Variants in PAGE2B observed in about 807,000 individuals in gnomAD.
The protein encoded by PAGE2B is PAGE family member 2B.
In PAGE2B, 5 loss-of-function variants were observed where a neutral mutation model predicts 7.6. The observed-to-expected ratio is 0.66, with a 90% CI of 0.34 to 1.38. The LOEUF is 1.38. PAGE2B is among the 40% of genes most tolerant of loss of function. The pLI, the probability that PAGE2B is intolerant of heterozygous loss-of-function variation, is 0.04. For synonymous variants in PAGE2B, 29 were observed against 26.7 expected (o/e 1.09, Z -0.27); for missense variants, 70 against 78.4 (o/e 0.89, Z 0.41).
the PAGE2B span, chrX:55,055,027 G>A: frequency 3.6e-5 from 4 of 111,229 alleles, no homozygotes; most frequent in Non-Finnish European, 5.7e-5. Flanking sequence ...GGGTTCTGTC[G>A]ATAATAGCAA....
In PAGE2B at chrX:55,077,398, G is replaced by C. The variant is rs773089488; in HGVS notation, c.194-1G>C. 5.0e-6 allele frequency: 6 copies of C among 1,209,509 alleles called. No homozygotes were observed. In the South Asian group the frequency reaches 1.1e-4, roughly 21 times the overall value. On this transcript the variant is annotated splice_acceptor_variant, in intron 3 of 4. Coordinates refer to ENST00000374971, the MANE Select transcript of PAGE2B (RefSeq NM_001015038.3). LOFTEE classifies it high-confidence loss of function. ...AACTGATGACCTTTTTATCTTTTAA[G>C]GGCCTGACATGGAAGCTTTTCAACA... is the stretch of plus-strand genomic sequence containing the variant.
At chrX:55,056,668 C>T in the PAGE2B span, among the ~76,000 whole-genome samples, 1 of 110,401 alleles carries the variant, frequency 9.1e-6, no homozygotes, top group East Asian at 2.9e-4. Flanking sequence ...GCAAGAAAGC[C>T]TCCCTTCAGA....
chrX:55,053,327 A>G, the PAGE2B span, among the ~76,000 whole-genome samples: 1 of 111,796 alleles, frequency 8.9e-6, no homozygotes, highest in Non-Finnish European at 1.9e-5. Flanking sequence ...CAATGAGAAC[A>G]CATGGACACA....
the PAGE2B span, among the ~76,000 whole-genome samples, chrX:55,029,369 T>A: frequency 1.3e-4 from 14 of 111,921 alleles, no homozygotes. Flanking sequence ...GGCCGTGTTC[T>A]CATGTCAACC....
At chrX:55,034,075 G>A in the PAGE2B span, among the ~76,000 whole-genome samples, 1 of 111,942 alleles carries the variant, frequency 8.9e-6, no homozygotes, top group East Asian at 2.8e-4. Context: ...CACTTGTGAT[G>A]AGTGGGGATT....
the PAGE2B span, among the ~76,000 whole-genome samples, chrX:55,067,570 G>A: frequency 2.1e-4 from 23 of 111,722 alleles, no homozygotes; most frequent in South Asian, 8.7e-3. Flanking sequence ...TATATACCCA[G>A]TAATGAGATT....
chrX:55,034,613 G>A, the PAGE2B span, among the ~76,000 whole-genome samples: 1 of 108,639 alleles, frequency 9.2e-6, no homozygotes, highest in Non-Finnish European at 1.9e-5. Context: ...TCAATGTCAG[G>A]CTCATACTCT....
At position 55,076,051 on chromosome X, in the gene PAGE2B, C is replaced by T. The variant is rs1936508160; in HGVS notation, c.10C>T (p.His4Tyr). Residue 4 changes from histidine to tyrosine, a missense_variant, in exon 2 of 5, where the codon CAT becomes TAT. His to Tyr is a moderately conservative substitution (Grantham distance 83). Transcript: ENST00000374971. The part of the protein sequence containing the change: MSE[H>Y]VRTRSQSSER... Reference sequence around the variant, plus strand: ...ATTTTCAGTGGGAAATATGAGTGAGCATGTGAGAACAAGATCCCAATCCTC... The same window carrying T: ...ATTTTCAGTGGGAAATATGAGTGAGTATGTGAGAACAAGATCCCAATCCTC... The T allele has an allele frequency of 1.7e-6, 2 of 1,207,477 alleles. No homozygotes were observed. The highest frequency in any genetic ancestry group is 3.5e-5 in the African/African-American group (2 of 57,687).
the PAGE2B span, among the ~76,000 whole-genome samples, chrX:55,037,642 G>A: frequency 9.0e-6 from 1 of 110,582 alleles, no homozygotes; most frequent in African/African-American, 3.3e-5. Context: ...GCAAAGACTT[G>A]GAACCAACCC....
the PAGE2B span, among the ~76,000 whole-genome samples, chrX:55,036,657 A>G: frequency 9.0e-6 from 1 of 110,867 alleles, no homozygotes; most frequent in African/African-American, 3.3e-5. Flanking sequence ...ACTATACTAC[A>G]AGGCTACAGT....
chrX:55,070,528 T>C (rs1367870595), upstream of PAGE2B, among the ~76,000 whole-genome samples: 1 of 111,237 alleles, frequency 9.0e-6, no homozygotes, highest in African/African-American at 3.3e-5. Context: ...GGGTGGAGAG[T>C]TCTGTAGATG....
the PAGE2B span, among the ~76,000 whole-genome samples, chrX:55,060,453 C>T: frequency 3.6e-5 from 4 of 111,321 alleles, no homozygotes; most frequent in African/African-American, 1.3e-4. Flanking sequence ...GTCCTTTGCC[C>T]ATTTTTAAAT....
At chrX:55,072,232 C>A (rs1453660594), upstream of PAGE2B, among the ~76,000 whole-genome samples, 1 of 112,310 alleles carries the variant, frequency 8.9e-6, no homozygotes, top group Non-Finnish European at 1.9e-5. Context: ...ATCTTAGAGG[C>A]TGATGATCTT....
At chrX:55,048,761 C>T in the PAGE2B span, among the ~76,000 whole-genome samples, 1 of 111,520 alleles carries the variant, frequency 9.0e-6, no homozygotes, top group Non-Finnish European at 1.9e-5. Context: ...ACAAGGACAA[C>T]TTGACTTCCT....
At chrX:55,070,881 G>T (rs1042031693), upstream of PAGE2B, among the ~76,000 whole-genome samples, 3 of 111,193 alleles carry the variant, frequency 2.7e-5, no homozygotes, top group African/African-American at 9.8e-5. Context: ...CTCTCCATTT[G>T]CTTGGTAAAT....
chrX:55,072,944 C>T (rs952726261), upstream of PAGE2B, among the ~76,000 whole-genome samples: 7 of 111,555 alleles, frequency 6.3e-5, no homozygotes, highest in African/African-American at 2.3e-4. Flanking sequence ...CCCAGGTAGA[C>T]ATCAGACTGC....
At chrX:55,044,683 G>A in the PAGE2B span, 1 of 111,848 alleles carries the variant, frequency 8.9e-6, no homozygotes, top group African/African-American at 3.2e-5. Context: ...GTCCAGGCAA[G>A]ACACCAGGCT....
At chrX:55,073,885 C>T (rs747049695), upstream of PAGE2B, among the ~76,000 whole-genome samples, 4 of 111,690 alleles carry the variant, frequency 3.6e-5, no homozygotes, top group Non-Finnish European at 7.5e-5. Flanking sequence ...AATTTTGTAT[C>T]TTGAAGCTTT....
rs1350059337 is a variant in PAGE2B at position 55,076,593 on chromosome X, C to T, written c.109C>T (p.Arg37Cys). 2.6e-5 allele frequency: 31 copies of T among 1,207,142 alleles called. No individual in the cohort carries two copies. The highest frequency in any genetic ancestry group is 3.4e-5 in the Non-Finnish European group (30 of 893,670). ...VIVQEPTEEK[R>C]QEEEPPTDNQ... ...GGTCCAGGAGCCCACTGAGGAAAAA[C>T]GTCAAGAAGAGGAACCACCAACTGA... Residue 37 changes from arginine to cysteine, a missense_variant, in exon 3 of 5, where the codon CGT becomes TGT. Arg to Cys is a radical substitution (Grantham distance 180). Transcript: ENST00000374971.
Sources: gnomAD v4.1 joint callset for allele counts (sites outside exome capture counted in the v4.1 genomes callset) on GRCh38, gnomAD v4.1.1 for gene constraint, MANE v1.5 for transcripts, NCBI Gene and HGNC (gene_info 2026-07-23, HGNC 2026-07-21) for gene names.